FHIP1A: variants seen among roughly 807,000 people sequenced by gnomAD.
The protein encoded by FHIP1A is FHF complex subunit HOOK interacting protein 1A.
FHIP1A carries 61 observed loss-of-function variants against 88.6 expected under a neutral mutation model. The ratio of observed to expected loss-of-function variants is 0.69; its 90% CI spans 0.56 to 0.85. The LOEUF (loss-of-function observed/expected upper bound fraction) is 0.85, where lower values mean the gene tolerates loss of function less well. Among genes scored for constraint, FHIP1A ranks in the 40% least tolerant of loss-of-function variants. The probability of loss-of-function intolerance (pLI) is 0.00; values close to 1 mark genes in which losing one functional copy is unlikely to be tolerated. For synonymous variants in FHIP1A, 478 were observed against 496.0 expected, an observed-to-expected ratio of 0.96 and a Z score of 0.48; for missense variants, 1,154 against 1,273.5, an observed-to-expected ratio of 0.91 and a Z score of 1.43.
intron 3 of FHIP1A, among the ~76,000 whole-genome samples, chr4:151,538,458 A>G (rs1317783982): frequency 6.6e-6 from 1 of 152,180 alleles, no homozygotes; most frequent in Non-Finnish European, 1.5e-5. Flanking sequence ...TTCCATTCCC[A>G]GACCTTCCAA....
intron 11 of FHIP1A, among the ~76,000 whole-genome samples, chr4:151,654,589 G>A (rs1216090970): frequency 6.6e-6 from 1 of 152,220 alleles, no homozygotes; most frequent in Non-Finnish European, 1.5e-5. Context: ...GGGAGCAGGT[G>A]AGAGGAAGCT....
intron 7 of FHIP1A, among the ~76,000 whole-genome samples, chr4:151,617,885 T>TA (rs969429788): frequency 2.6e-5 from 4 of 151,876 alleles, no homozygotes; most frequent in South Asian, 2.1e-4. Context: ...GACTCTGTCT[T>TA]AAAAAAAAGA....
chr4:151,625,714 C>T (rs1485605055), intron 7 of FHIP1A, among the ~76,000 whole-genome samples: 1 of 152,170 alleles, frequency 6.6e-6, no homozygotes, highest in Admixed American at 6.5e-5. Context: ...TTCCCACCCA[C>T]CTCCTTTTTA....
chr4:151,431,560 G>A (rs1383900433), intron 1 of FHIP1A, among the ~76,000 whole-genome samples: 1 of 152,074 alleles, frequency 6.6e-6, no homozygotes, highest in Non-Finnish European at 1.5e-5. Context: ...GTGAGATAGT[G>A]CCACTTTGGG....
intron 3 of FHIP1A, among the ~76,000 whole-genome samples, chr4:151,556,453 T>G (rs1285077709): frequency 6.6e-6 from 1 of 152,202 alleles, no homozygotes; most frequent in Non-Finnish European, 1.5e-5. Flanking sequence ...ACATGTTTAC[T>G]TAATGGAAAA....
At chr4:151,534,412 A>G (rs1346951837) in intron 3 of FHIP1A, among the ~76,000 whole-genome samples, 2 of 152,202 alleles carry the variant, frequency 1.3e-5, no homozygotes, top group African/African-American at 4.8e-5. Context: ...AGTTACTATA[A>G]AAAGGCCACC....
chr4:151,469,920 T>C (rs1306175316), intron 2 of FHIP1A, among the ~76,000 whole-genome samples: 1 of 152,198 alleles, frequency 6.6e-6, no homozygotes, highest in Non-Finnish European at 1.5e-5. Context: ...TTTCAAAGAC[T>C]AGTGCCCTTG....
intron 3 of FHIP1A, among the ~76,000 whole-genome samples, chr4:151,493,846 A>G (rs1488243309): frequency 2.0e-5 from 3 of 152,190 alleles, no homozygotes; most frequent in African/African-American, 7.2e-5. Flanking sequence ...AGCTGTCTAT[A>G]ACAAACCCAC....
chr4:151,521,675 T>TTGTATGTATGTA (rs35842414), intron 3 of FHIP1A, among the ~76,000 whole-genome samples: 5 of 150,328 alleles, frequency 3.3e-5, no homozygotes, highest in Admixed American at 6.7e-5. Flanking sequence ...GTATGTCAGT[T>TTGTATGTATGTA]TGTATGTATG....
chr4:151,554,410 T>C lies in FHIP1A; in HGVS notation c.-122-11728T>C, dbSNP rs142305812. On this transcript the variant is annotated intron_variant, in intron 3 of 13. Coordinates refer to ENST00000435205, the MANE Select transcript of FHIP1A (RefSeq NM_001109977.3). The stretch of plus-strand genomic sequence containing the variant: ...AATCAATACATGAATAACATAAAAA[T>C]GTGATCCCTACCTTCAAGGAGACCA... Among the ~76,000 whole-genome samples the C allele has an allele frequency of 2.3e-3, 349 of 152,276 alleles. 2 individuals carry two copies. Among genetic ancestry groups the C allele is most frequent in the African/African-American group, 8.2e-3 (339 of 41,558 alleles).
intron 1 of FHIP1A, among the ~76,000 whole-genome samples, chr4:151,447,495 C>T (rs974250023): frequency 3.3e-5 from 5 of 152,188 alleles, no homozygotes; most frequent in Admixed American, 3.3e-4. Context: ...CCTCGAATCA[C>T]CATACTTTTC....
intron 1 of FHIP1A, among the ~76,000 whole-genome samples, chr4:151,451,657 G>A (rs922979323): frequency 2.6e-5 from 4 of 152,120 alleles, no homozygotes; most frequent in African/African-American, 9.6e-5. Context: ...ACCAACCCAC[G>A]GTTGAATGAT....
chr4:151,498,631 C>T (rs906077131), intron 3 of FHIP1A, among the ~76,000 whole-genome samples: 3 of 151,958 alleles, frequency 2.0e-5, no homozygotes, highest in Non-Finnish European at 2.9e-5. Context: ...CTGGCTAACA[C>T]GGTGAAACCC....
chr4:151,456,049 T>A (rs1728956350), intron 2 of FHIP1A, among the ~76,000 whole-genome samples: 1 of 152,136 alleles, frequency 6.6e-6, no homozygotes, highest in Non-Finnish European at 1.5e-5. Context: ...AACACATACC[T>A]TCTTAACATA....
intron 5 of FHIP1A, 40 bp downstream of exon 5, chr4:151,578,116 T>G (rs1376769025): frequency 5.9e-6 from 9 of 1,517,574 alleles, no homozygotes; most frequent in Non-Finnish European, 8.0e-6. Context: ...CTCACTCCCT[T>G]TTTTCTCTTC....
intron 3 of FHIP1A, among the ~76,000 whole-genome samples, chr4:151,564,464 G>A (rs758741150): frequency 6.6e-6 from 1 of 152,180 alleles, no homozygotes; most frequent in African/African-American, 2.4e-5. Context: ...TGAGGTGAAG[G>A]TTCTGGCAGT....
intron 3 of FHIP1A, among the ~76,000 whole-genome samples, chr4:151,496,170 C>T (rs924259867): frequency 6.6e-6 from 1 of 151,156 alleles, no homozygotes; most frequent in Non-Finnish European, 1.5e-5. Flanking sequence ...GATATTTCCT[C>T]CTTTTTATTC....
At chr4:151,604,847 T>G (rs1267070889) in intron 7 of FHIP1A, among the ~76,000 whole-genome samples, 1 of 147,468 alleles carries the variant, frequency 6.8e-6, no homozygotes, top group African/African-American at 2.5e-5. Context: ...AGACTCCATC[T>G]CAAAAAAAAA....
intron 7 of FHIP1A, among the ~76,000 whole-genome samples, chr4:151,616,096 G>C (rs1735508136): frequency 6.6e-6 from 1 of 152,154 alleles, no homozygotes; most frequent in Admixed American, 6.5e-5. Context: ...CCATTTCATT[G>C]AAGCACTCAG....
Sources: allele counts gnomAD v4.1 joint callset (sites outside exome capture counted in the v4.1 genomes callset), GRCh38; gene constraint gnomAD v4.1.1; transcripts MANE v1.5; gene names NCBI Gene and HGNC (gene_info 2026-07-23, HGNC 2026-07-21).